MAGI2: variants seen among roughly 807,000 people sequenced by gnomAD.
MAGI2 encodes the protein membrane-associated guanylate kinase, WW and PDZ domain-containing protein 2.
In MAGI2, 35 loss-of-function variants were observed where a neutral mutation model predicts 133.3. That is an observed-to-expected ratio of 0.26 (90% confidence interval 0.20 to 0.35). The LOEUF (loss-of-function observed/expected upper bound fraction) is 0.35. Ranked by LOEUF, MAGI2 falls within the 10% of genes least tolerant of loss-of-function variation. The pLI is 1.00. For synonymous variants in MAGI2, 729 were observed against 710.6 expected (o/e 1.03, Z -0.41); for missense variants, 1,636 against 1,863.4 (o/e 0.88, Z 2.25).
intron 1 of MAGI2, among the ~76,000 whole-genome samples, chr7:79,430,741 C>T (rs533520947): frequency 1.3e-5 from 2 of 152,220 alleles, no homozygotes; most frequent in African/African-American, 4.8e-5. Flanking sequence ...CATAGAATAT[C>T]ACAGAACTCA....
At chr7:78,220,052 C>G (rs1310560800) in intron 10 of MAGI2, among the ~76,000 whole-genome samples, 1 of 152,102 alleles carries the variant, frequency 6.6e-6, no homozygotes, top group Non-Finnish European at 1.5e-5. Context: ...ATTATACAAC[C>G]TACTCCATGA....
intron 2 of MAGI2, among the ~76,000 whole-genome samples, chr7:78,874,679 A>G (rs1181309591): frequency 6.6e-6 from 1 of 152,176 alleles, no homozygotes; most frequent in Non-Finnish European, 1.5e-5. Flanking sequence ...TGGGTATCAA[A>G]TGATAGTTAG....
chr7:78,995,659 G>A (rs558261827), intron 2 of MAGI2, among the ~76,000 whole-genome samples: 1 of 152,226 alleles, frequency 6.6e-6, no homozygotes, highest in South Asian at 2.1e-4. Flanking sequence ...GACTGTAATA[G>A]TCTAATCTAT....
rs535320408 is a variant in MAGI2 at position 79,015,655 on chromosome 7, GA to G, written c.302-8450del. 7.9e-5 allele frequency among the ~76,000 whole-genome samples: 12 copies of G among 152,254 alleles called. No individual in the cohort carries two copies. In the East Asian group the frequency reaches 1.9e-3, roughly 25 times the overall value. The stretch of plus-strand genomic sequence containing the variant: ...TGCTACAAGACTGATTTCAAATGCG[GA>G]ATGTGTCCCAAAGGTTTATTTTGGA... On this transcript the variant is annotated intron_variant, in intron 1 of 21. Transcript: ENST00000354212.
intron 3 of MAGI2, among the ~76,000 whole-genome samples, chr7:78,598,277 A>G (rs1002671612): frequency 6.6e-6 from 1 of 152,178 alleles, no homozygotes. Context: ...TGTGGTGAAT[A>G]TAATAAGAGG....
intron 9 of MAGI2, among the ~76,000 whole-genome samples, chr7:78,292,602 C>A (rs1293136706): frequency 2.6e-5 from 4 of 152,122 alleles, no homozygotes; most frequent in African/African-American, 9.7e-5. Context: ...TCAGATGGAA[C>A]CAAAAAAGAG....
intron 2 of MAGI2, among the ~76,000 whole-genome samples, chr7:78,783,208 T>C (rs928282250): frequency 1.3e-5 from 2 of 152,132 alleles, no homozygotes; most frequent in African/African-American, 4.8e-5. Flanking sequence ...CTCTTCAAGA[T>C]AAAATCCTCA....
chr7:78,648,363 A>C (rs12705674), intron 2 of MAGI2, among the ~76,000 whole-genome samples: 35,086 of 152,156 alleles, frequency 0.23, 4,660 homozygotes, highest in Admixed American at 0.29. Context: ...ACGTTGCAGT[A>C]ATAGGAAGAA....
chr7:78,647,581 G>A (rs771724318), intron 2 of MAGI2, among the ~76,000 whole-genome samples: 1 of 152,190 alleles, frequency 6.6e-6, no homozygotes, highest in Non-Finnish European at 1.5e-5. Context: ...ATGGAAGACA[G>A]TGTGGTGATT....
intron 1 of MAGI2, among the ~76,000 whole-genome samples, chr7:79,141,461 C>A (rs913377205): frequency 6.6e-6 from 1 of 152,128 alleles, no homozygotes; most frequent in Non-Finnish European, 1.5e-5. Context: ...TACTTCAGAG[C>A]CAAATTTATT....
intron 1 of MAGI2, among the ~76,000 whole-genome samples, chr7:79,184,092 C>T (rs539355618): frequency 9.9e-5 from 15 of 151,444 alleles, no homozygotes; most frequent in African/African-American, 3.2e-4. Flanking sequence ...TAACCATTGT[C>T]AATATTAATG....
chr7:79,082,762 G>T (rs1816152954), intron 1 of MAGI2, among the ~76,000 whole-genome samples: 1 of 151,904 alleles, frequency 6.6e-6, no homozygotes, highest in Non-Finnish European at 1.5e-5. Flanking sequence ...GATTTTGATA[G>T]TGATTTTATT....
At chr7:78,597,059 G>A (rs1804682235) in intron 3 of MAGI2, among the ~76,000 whole-genome samples, 1 of 152,136 alleles carries the variant, frequency 6.6e-6, no homozygotes, top group Non-Finnish European at 1.5e-5. Flanking sequence ...TTAGAGAAAT[G>A]GCTATTAGGA....
At chr7:78,134,304 T>G (rs1209947620) in intron 17 of MAGI2, 1 of 152,250 alleles carries the variant, frequency 6.6e-6, no homozygotes, top group Non-Finnish European at 1.5e-5. Context: ...CATCAGCCTC[T>G]GTGTGGGACA....
intron 1 of MAGI2, among the ~76,000 whole-genome samples, chr7:79,286,446 C>T (rs10953825): frequency 0.62 from 93,568 of 151,718 alleles, 30,179 homozygotes; most frequent in Non-Finnish European, 0.7. Context: ...TCACACTCCA[C>T]GGCACTTGCT....
intron 1 of MAGI2, among the ~76,000 whole-genome samples, chr7:79,313,950 A>AGGTGCC (rs1838501244): frequency 6.6e-6 from 1 of 151,368 alleles, no homozygotes; most frequent in South Asian, 2.1e-4. Context: ...CTACAGGAAC[A>AGGTGCC]CACCACCACA....
intron 3 of MAGI2, among the ~76,000 whole-genome samples, chr7:78,576,463 C>T (rs573603614): frequency 6.6e-6 from 1 of 152,248 alleles, no homozygotes; most frequent in African/African-American, 2.4e-5. Context: ...CAAGGCATGT[C>T]ATAGAAACCA....
At chr7:79,440,791 C>T (rs1848445015) in intron 1 of MAGI2, among the ~76,000 whole-genome samples, 1 of 152,058 alleles carries the variant, frequency 6.6e-6, no homozygotes, top group African/African-American at 2.4e-5. Flanking sequence ...AACAAGGAGT[C>T]CAGAGATAGT....
chr7:78,151,524 A>G (rs1043768808), intron 16 of MAGI2, among the ~76,000 whole-genome samples: 2 of 152,244 alleles, frequency 1.3e-5, no homozygotes, highest in South Asian at 4.2e-4. Context: ...CAACCAAGAA[A>G]TGTAAGATGA....
Sources: gnomAD v4.1 joint callset for allele counts (sites outside exome capture counted in the v4.1 genomes callset) on GRCh38, gnomAD v4.1.1 for gene constraint, MANE v1.5 for transcripts, NCBI Gene and HGNC (gene_info 2026-07-23, HGNC 2026-07-21) for gene names.